Variants in FMO2 observed in about 807,000 individuals in gnomAD.
The protein encoded by FMO2 is flavin-containing monooxygenase 2.
FMO2 carries 33 observed loss-of-function variants against 41.6 expected under a neutral mutation model. The ratio of observed to expected loss-of-function variants is 0.79; its 90% CI spans 0.60 to 1.06. The LOEUF (loss-of-function observed/expected upper bound fraction) is 1.06. Ranked by LOEUF, FMO2 falls within the 50% of genes least tolerant of loss-of-function variation. FMO2 has a pLI of 0.00. For missense variants in FMO2, 619 were observed against 632.9 expected (o/e 0.98, Z 0.23); for synonymous variants, 214 against 219.6 (o/e 0.97, Z 0.23).
chr1:171,194,665 G>A (rs1476632615), intron 3 of FMO2, among the ~76,000 whole-genome samples: 1 of 152,160 alleles, frequency 6.6e-6, no homozygotes, highest in Non-Finnish European at 1.5e-5. Flanking sequence ...AGACTGAGAA[G>A]GGAGGATTGC....
rs370363074 is a variant in FMO2 at position 171,208,492 on chromosome 1, G to A, written c.1257-302G>A. ...CATTATCTCATGAATTCCTGCAGCC[G>A]CCCTGGCTAGCATGTACTTGCCTGG... On this transcript the variant is annotated intron_variant, in intron 8 of 8. Coordinates refer to ENST00000209929, the MANE Select transcript of FMO2 (RefSeq NM_001460.5). 4.6e-5 allele frequency among the ~76,000 whole-genome samples: 7 copies of A among 152,220 alleles called. No homozygotes were observed. In the Middle Eastern group the frequency reaches 0.01, roughly 222 times the overall value.
At chr1:171,192,181 A>G (rs1050779761) in intron 2 of FMO2, among the ~76,000 whole-genome samples, 6 of 152,218 alleles carry the variant, frequency 3.9e-5, no homozygotes, top group African/African-American at 1.4e-4. Context: ...GAAATAGTTT[A>G]CACATCAGTT....
intron 5 of FMO2, among the ~76,000 whole-genome samples, chr1:171,202,736 C>T (rs963946710): frequency 6.6e-6 from 1 of 152,096 alleles, no homozygotes; most frequent in Non-Finnish European, 1.5e-5. Flanking sequence ...GGATTCAAAC[C>T]CAAGCAGTCT....
intron 2 of FMO2, chr1:171,186,359 C>G (rs1657849221): frequency 6.5e-6 from 1 of 152,678 alleles, no homozygotes; most frequent in Admixed American, 6.5e-5. Context: ...ATTAATCAAA[C>G]CAAAATATTG....
At chr1:171,203,468 C>T (rs1658621323) in intron 5 of FMO2, among the ~76,000 whole-genome samples, 1 of 152,096 alleles carries the variant, frequency 6.6e-6, no homozygotes, top group Admixed American at 6.5e-5. Context: ...AGGCTATAAT[C>T]GCACATTTCC....
At chr1:171,193,971 G>A (rs915830005) in intron 3 of FMO2, among the ~76,000 whole-genome samples, 3 of 152,022 alleles carry the variant, frequency 2.0e-5, no homozygotes, top group East Asian at 1.9e-4. Flanking sequence ...GTAGGGACGA[G>A]GTTTCACCAT....
intron 5 of FMO2, among the ~76,000 whole-genome samples, chr1:171,200,593 C>T (rs552329039): frequency 2.7e-4 from 41 of 152,194 alleles, no homozygotes; most frequent in Non-Finnish European, 5.1e-4. Flanking sequence ...ACATGACACC[C>T]GCCCAGCAGG....
In FMO2 at chr1:171,210,252, A is replaced by G. The variant is rs997668328; in HGVS notation, c.*1107A>G. On this transcript the variant is annotated 3_prime_UTR_variant, in exon 9 of 9. Transcript: ENST00000209929. ...CAATGAAAGATACCTATGCAATAAC[A>G]TTTAGGATAATCTTTGACATTTTGG... is the stretch of plus-strand genomic sequence containing the variant. 1 of 152,190 alleles carries G rather than the reference A, an allele frequency of 6.6e-6. No homozygotes were observed. The highest frequency in any genetic ancestry group is 1.5e-5 in the Non-Finnish European group (1 of 68,028). 9.4% of individuals were successfully genotyped at this position (152,190 alleles called of 1,614,324 possible).
intron 2 of FMO2, among the ~76,000 whole-genome samples, chr1:171,192,525 G>A (rs548649395): frequency 1.3e-5 from 2 of 152,252 alleles, no homozygotes; most frequent in South Asian, 4.1e-4. Context: ...ACTTTGGGAG[G>A]CTGAGGCGGG....
intron 7 of FMO2, chr1:171,207,466 C>T (rs963990735): frequency 8.0e-6 from 3 of 375,560 alleles, no homozygotes; most frequent in Non-Finnish European, 9.4e-6. Flanking sequence ...CTGCCAGGCT[C>T]CCAGACACAC....
chr1:171,190,229 A>G (rs144228048), intron 2 of FMO2, among the ~76,000 whole-genome samples: 1 of 152,320 alleles, frequency 6.6e-6, no homozygotes, highest in East Asian at 1.9e-4. Context: ...ATGAAGTCAA[A>G]CATAAACTTC....
intron 2 of FMO2, among the ~76,000 whole-genome samples, chr1:171,188,669 C>T (rs2101978474): frequency 6.6e-6 from 1 of 152,300 alleles, no homozygotes; most frequent in South Asian, 2.1e-4. Flanking sequence ...TTTCACTACT[C>T]TACCATCCAG....
rs564569524 is a variant in FMO2 at position 171,205,472 on chromosome 1, T to A, written c.1021T>A (p.Ser341Thr). 6.2e-7 allele frequency: 1 copy of A among 1,613,890 alleles called. No homozygotes were observed. Among genetic ancestry groups the A allele is most frequent in the African/African-American group, 1.3e-5 (1 of 75,030 alleles). The change falls in exon 7 of 9, where the codon TCA becomes ACA. Residue 341 changes from serine to threonine, a missense_variant. Physicochemically the swap from Ser to Thr is moderately conservative, Grantham distance 58 (BLOSUM62 1). Transcript: ENST00000209929. The part of the protein sequence containing the change: ...YSFSFPFLED[S>T]LVKVENNMVS... Reference sequence around the variant, plus strand: ...TTTCTCTTTTCCCTTCCTTGAAGATTCACTCGTTAAAGTAGAGAATAATAT... The same window carrying A: ...TTTCTCTTTTCCCTTCCTTGAAGATACACTCGTTAAAGTAGAGAATAATAT...
rs1658970540 is a variant in FMO2 at position 171,211,288 on chromosome 1, T to C, written c.*2143T>C. On this transcript the variant is annotated 3_prime_UTR_variant, in exon 9 of 9. Coordinates refer to ENST00000209929, the MANE Select transcript of FMO2 (RefSeq NM_001460.5). ...TTGCTTTCAAGCTACAATTGTAGAG[T>C]TGGGTAGTCGCAACAGAATCTCTGT... The C allele has an allele frequency of 6.6e-6, 1 of 152,158 alleles. No homozygotes were observed. The highest frequency in any genetic ancestry group is 2.4e-5 in the African/African-American group (1 of 41,442). 9.4% of individuals were successfully genotyped at this position (152,158 alleles called of 1,614,324 possible). A position where few individuals can be genotyped will look rare whatever the true frequency, so the allele number is the denominator to read the frequency against.
intron 5 of FMO2, among the ~76,000 whole-genome samples, chr1:171,200,282 C>CA (rs974102887): frequency 6.6e-6 from 1 of 152,146 alleles, no homozygotes; most frequent in African/African-American, 2.4e-5. Flanking sequence ...GCCAAAGAGT[C>CA]AAACATTCAT....
At chr1:171,202,570 A>T (rs1260357021) in intron 5 of FMO2, among the ~76,000 whole-genome samples, 3 of 151,980 alleles carry the variant, frequency 2.0e-5, no homozygotes, top group African/African-American at 7.3e-5. Flanking sequence ...CAAGTACTTT[A>T]TATATACCAC....
Position 171,208,855 on chromosome 1 carries a change from G to C in FMO2, c.1318G>C (p.Ala440Pro), listed in dbSNP as rs762040235. The C allele has an allele frequency of 1.9e-6, 3 of 1,613,976 alleles. No individual in the cohort carries two copies. Among genetic ancestry groups the C allele is most frequent in the Non-Finnish European group, 2.5e-6 (3 of 1,179,882 alleles). Residue 440 changes from alanine to proline, a missense_variant, in exon 9 of 9, where the codon GCC (alanine) becomes CCC (proline). Transcript: ENST00000209929. Reference sequence around the variant, plus strand: ...TTATGTTGACTACTTGGACGAGCTCGCCTTAGAGATAGGTGCGAAGCCAGA... The same window carrying C: ...TTATGTTGACTACTTGGACGAGCTCCCCTTAGAGATAGGTGCGAAGCCAGA... ...TNYVDYLDEL[A>P]LEIGAKPDFC...
chr1:171,204,736 A>G (rs944439215), intron 6 of FMO2, among the ~76,000 whole-genome samples: 1 of 152,296 alleles, frequency 6.6e-6, no homozygotes, highest in Middle Eastern at 3.4e-3. Flanking sequence ...AAATAAGCGG[A>G]CTTTGCATCA....
chr1:171,189,217 T>C (rs28369821), intron 2 of FMO2, among the ~76,000 whole-genome samples: 53,279 of 151,898 alleles, frequency 0.35, 10,260 homozygotes, highest in East Asian at 0.55. Context: ...TGTACATTTT[T>C]TTTCCTGTGG....
Sources: allele counts gnomAD v4.1 joint callset (sites outside exome capture counted in the v4.1 genomes callset), GRCh38; gene constraint gnomAD v4.1.1; transcripts MANE v1.5; gene names NCBI Gene and HGNC (gene_info 2026-07-23, HGNC 2026-07-21).